SPINT1: variants seen among roughly 807,000 people sequenced by gnomAD.
SPINT1 encodes serine peptidase inhibitor, Kunitz type 1.
A neutral mutation model predicts 53.7 loss-of-function variants in SPINT1; 38 were observed. The ratio of observed to expected loss-of-function variants is 0.71; its 90% CI spans 0.55 to 0.93. SPINT1 has a LOEUF of 0.93. SPINT1 is among the 40% of genes least tolerant of loss of function. The pLI, the probability that SPINT1 is intolerant of heterozygous loss-of-function variation, is 0.00. For missense variants in SPINT1, 645 were observed against 692.9 expected, an observed-to-expected ratio of 0.93 and a Z score of 0.78; for synonymous variants, 283 against 280.6, an observed-to-expected ratio of 1.01 and a Z score of -0.08.
chr15:40,848,200 C>T (rs1490525096), intron 2 of SPINT1, among the ~76,000 whole-genome samples: 1 of 152,142 alleles, frequency 6.6e-6, no homozygotes, highest in African/African-American at 2.4e-5. Flanking sequence ...TCTGTGAGTC[C>T]CCCATTGGCT....
Position 40,855,988 on chromosome 15 carries a change from A to T in SPINT1, c.1214A>T (p.Tyr405Phe), listed in dbSNP as rs2142017032. 6.2e-7 allele frequency: 1 copy of T among 1,614,156 alleles called. No homozygotes were observed. The highest frequency in any genetic ancestry group is 8.5e-7 in the Non-Finnish European group (1 of 1,180,020). The change falls in exon 9 of 11, where the codon TAT (tyrosine) becomes TTT (phenylalanine). Residue 405 changes from tyrosine (Y) to phenylalanine (F), a missense_variant. Coordinates refer to ENST00000562057, the MANE Select transcript of SPINT1 (RefSeq NM_003710.4). ...PFSEHCARFT[Y>F]GGCYGNKNNF... ...AGCGAACACTGCGCCCGCTTTACCTATGGTGGTTGTTACGGCAACAAGAAC... is the reference window on the plus strand; with the variant it reads ...AGCGAACACTGCGCCCGCTTTACCTTTGGTGGTTGTTACGGCAACAAGAAC...
rs1244398141 is a variant in SPINT1, at chr15:40,844,484, TCTC to T, written c.-65-5_-65-3del. ...TCTCCTCCTCTGTCCCCTCCCTTCTTCTCAGGTCACCAGCACCCTCGGAACCCA... is the reference window on the plus strand; with the variant it reads ...TCTCCTCCTCTGTCCCCTCCCTTCTTAGGTCACCAGCACCCTCGGAACCCA... On this transcript the variant is annotated splice_polypyrimidine_tract_variant and splice_region_variant and intron_variant, in intron 1 of 10. Coordinates refer to ENST00000562057, the MANE Select transcript of SPINT1 (RefSeq NM_003710.4). This position sits in a 1 kb window ranked among gnomAD's most constrained non-coding sequence, Gnocchi z 5.8. 7.5e-6 allele frequency: 11 copies of T among 1,471,912 alleles called. No homozygotes were observed. In the South Asian group the frequency reaches 9.1e-5, roughly 12 times the overall value. 91.2% of individuals were successfully genotyped at this position (1,471,912 alleles called of 1,614,324 possible). A position where few individuals can be genotyped will look rare whatever the true frequency, so the allele number is the denominator to read the frequency against.
intron 10 of SPINT1, 64 bp from the exon 11 acceptor site, chr15:40,856,706 T>A: frequency 6.2e-7 from 1 of 1,604,474 alleles, no homozygotes; most frequent in East Asian, 2.2e-5. Flanking sequence ...TTCCATAGAT[T>A]GGGGGTGGGT....
chr15:40,855,762 T>C (rs1263981724), intron 8 of SPINT1, 130 bp from the exon 9 acceptor site: 2 of 944,938 alleles, frequency 2.1e-6, no homozygotes, highest in African/African-American at 1.7e-5. Flanking sequence ...GCCAGGTGTT[T>C]TGGGGCCTCT....
chr15:40,857,862 G>A lies in SPINT1; in HGVS notation c.*887G>A, dbSNP rs1003327987. 2.0e-5 allele frequency: 3 copies of A among 152,510 alleles called. No individual in the cohort carries two copies. Among genetic ancestry groups the A allele is most frequent in the African/African-American group, 7.2e-5 (3 of 41,444 alleles). The allele number at this position is 152,510 out of a possible 1,614,324, so 9.4% of individuals were successfully genotyped here. ...GGAGTGAGCGGGCCACGGGAGCCAC[G>A]AGTGTGGGGAGGCTGCAGTGCTGCT... On this transcript the variant is annotated 3_prime_UTR_variant, in exon 11 of 11. Coordinates refer to ENST00000562057, the MANE Select transcript of SPINT1 (RefSeq NM_003710.4).
chr15:40,847,508 G>A (rs1056630135), intron 2 of SPINT1, among the ~76,000 whole-genome samples: 2 of 152,172 alleles, frequency 1.3e-5, no homozygotes, highest in African/African-American at 4.8e-5. Flanking sequence ...TGGAGGCGGA[G>A]CAGCTTGCAC....
intron 3 of SPINT1, 31 bp from the exon 4 acceptor site, chr15:40,853,458 G>A (rs370288943): frequency 1.2e-6 from 2 of 1,613,996 alleles, no homozygotes; most frequent in African/African-American, 2.7e-5. Flanking sequence ...ATCAGGGGGT[G>A]CCCAAGCCTG....
At chr15:40,856,517 G>C (rs1045944888) in intron 10 of SPINT1, among the ~76,000 whole-genome samples, 194 bp downstream of exon 10, 1 of 152,172 alleles carries the variant, frequency 6.6e-6, no homozygotes, top group African/African-American at 2.4e-5. Flanking sequence ...GCCGATGTCT[G>C]TCAGCAGCGT....
intron 2 of SPINT1, among the ~76,000 whole-genome samples, chr15:40,851,430 C>T (rs958481847): frequency 6.6e-6 from 1 of 152,152 alleles, no homozygotes; most frequent in Admixed American, 6.5e-5. Context: ...GGATTATAGG[C>T]GTGAGCCACC....
intron 10 of SPINT1, 72 bp from the exon 11 acceptor site, chr15:40,856,697 TC>T (rs1392076568): frequency 4.4e-6 from 7 of 1,598,850 alleles, no homozygotes; most frequent in East Asian, 2.2e-5. Context: ...CTTGGTCTCT[TC>T]CATAGATTGG....
intron 2 of SPINT1, among the ~76,000 whole-genome samples, chr15:40,849,086 A>C (rs533672227): frequency 2.0e-5 from 3 of 152,114 alleles, no homozygotes; most frequent in Admixed American, 6.5e-5. Flanking sequence ...CTCTACTAAA[A>C]ATACAAAAAA....
Position 40,848,941 on chromosome 15 carries a change from T to TA in SPINT1, c.475+3912_475+3913insA, listed in dbSNP as rs1031762468. On this transcript the variant is annotated intron_variant, in intron 2 of 10. Transcript: ENST00000562057. Reference sequence around the variant, plus strand: ...ACCTTTTGGTTTTGGTTTTTCTGTTTTTTTTTTTTTTGAAATGGGGTCGGG... The same window carrying TA: ...ACCTTTTGGTTTTGGTTTTTCTGTTTATTTTTTTTTTTGAAATGGGGTCGGG... 1.0e-3 allele frequency among the ~76,000 whole-genome samples: 151 copies of TA among 151,332 alleles called. 1 individual carries two copies. The highest frequency in any genetic ancestry group is 1.4e-3 in the Non-Finnish European group (98 of 67,748).
Position 40,854,266 on chromosome 15 carries a change from C to T in SPINT1, c.941-131C>T, listed in dbSNP as rs373214738. On this transcript the variant is annotated intron_variant, in intron 6 of 10. Transcript: ENST00000562057. ...GTCCTATGAGGATCTGCCCAGTTTG[C>T]GTGGGGCAGGAGTGGGGTTGGTGGA... The T allele has an allele frequency of 1.3e-3, 1,852 of 1,422,204 alleles. 34 individuals carry two copies. The South Asian group carries it at 0.023, about 18-fold the overall frequency. The allele number at this position is 1,422,204 out of a possible 1,614,324, so 88.1% of individuals were successfully genotyped here.
intron 9 of SPINT1, 33 bp from the exon 10 acceptor site, chr15:40,856,243 T>G: frequency 6.2e-7 from 1 of 1,613,936 alleles, no homozygotes. Flanking sequence ...GAGCCCTCAG[T>G]ACTGACTGGT....
chr15:40,853,551 G>A lies in SPINT1; in HGVS notation c.666G>A (p.Leu222=). 1 of 1,614,092 alleles carries A rather than the reference G, an allele frequency of 6.2e-7. No individual in the cohort carries two copies. The highest frequency in any genetic ancestry group is 8.5e-7 in the Non-Finnish European group (1 of 1,179,980). ...GLKEGTYLFQ[L]TVTSSDHPED... is the part of the protein sequence containing the mutation. The stretch of plus-strand genomic sequence containing the variant: ...AGGAAGGCACCTACCTGTTCCAGCT[G>A]ACAGTGACTAGCTCAGACCACCCAG... The change falls in exon 4 of 11, where the codon CTG becomes CTA. Residue 222 remains leucine (L), a synonymous_variant. Coordinates refer to ENST00000562057, the MANE Select transcript of SPINT1 (RefSeq NM_003710.4).
chr15:40,855,883 A>AC lies in SPINT1; in HGVS notation c.1118-3dup. The AC allele has an allele frequency of 1.2e-6, 2 of 1,608,246 alleles. No individual in the cohort carries two copies. Among genetic ancestry groups the AC allele is most frequent in the Non-Finnish European group, 1.7e-6 (2 of 1,175,856 alleles). ...ACTCGCTCACCATAGCCTACCCCAT[A>AC]CCCCCCAGGGCACTGCGTGGACCTG... is the stretch of plus-strand genomic sequence containing the variant. On this transcript the variant is annotated splice_polypyrimidine_tract_variant and intron_variant, in intron 8 of 10. Coordinates refer to ENST00000562057, the MANE Select transcript of SPINT1 (RefSeq NM_003710.4).
chr15:40,848,362 C>G (rs912755359), intron 2 of SPINT1, among the ~76,000 whole-genome samples: 1 of 152,172 alleles, frequency 6.6e-6, no homozygotes, highest in Non-Finnish European at 1.5e-5. Flanking sequence ...TGGGCAATAT[C>G]TATCAAACCT....
At chr15:40,853,018 G>T in intron 2 of SPINT1, 106 bp from the exon 3 acceptor site, 1 of 1,457,298 alleles carries the variant, frequency 6.9e-7, no homozygotes, top group Non-Finnish European at 9.2e-7. Context: ...TGGAGTCCCA[G>T]TTTGGTCTAG....
At chr15:40,845,844 C>T (rs550533614) in intron 2 of SPINT1, among the ~76,000 whole-genome samples, 42 of 152,352 alleles carry the variant, frequency 2.8e-4, no homozygotes, top group African/African-American at 8.2e-4. Context: ...TGGCCATAGT[C>T]TCCTCCACTG....
Sources: gnomAD v4.1 joint callset for allele counts (sites outside exome capture counted in the v4.1 genomes callset) on GRCh38, gnomAD v4.1.1 for gene constraint, Gnocchi (gnomAD v3.1) non-coding constraint, MANE v1.5 for transcripts, NCBI Gene and HGNC (gene_info 2026-07-23, HGNC 2026-07-21) for gene names.